NRXN3: variants seen among roughly 807,000 people sequenced by gnomAD.
NRXN3 encodes the protein neurexin III.
NRXN3 carries 32 observed loss-of-function variants against 137.6 expected under a neutral mutation model. The ratio of observed to expected loss-of-function variants is 0.23; its 90% confidence interval spans 0.18 to 0.31. NRXN3 has a LOEUF of 0.31. NRXN3 is among the 10% of genes least tolerant of loss of function. NRXN3 has a pLI of 1.00. For synonymous variants in NRXN3, 798 were observed against 784.5 expected (o/e 1.02, Z -0.29); for missense variants, 1,574 against 2,062.5 (o/e 0.76, Z 4.59).
chr14:78,600,410 C>A (rs1015172489), intron 4 of NRXN3, among the ~76,000 whole-genome samples: 5 of 152,212 alleles, frequency 3.3e-5, no homozygotes, highest in African/African-American at 1.2e-4. Flanking sequence ...TGGGCTCCCC[C>A]AGCTCCATTT....
chr14:79,141,995 A>T (rs371887936), intron 15 of NRXN3, among the ~76,000 whole-genome samples: 1 of 152,206 alleles, frequency 6.6e-6, no homozygotes, highest in Admixed American at 6.5e-5. Context: ...CCATAAGACC[A>T]TATGATGAAG....
intron 4 of NRXN3, chr14:78,526,827 A>T (rs12882387): frequency 4.0e-6 from 2 of 501,540 alleles, no homozygotes; most frequent in African/African-American, 3.9e-5. Context: ...AAGAAAGGGG[A>T]TTCATATTTT....
At chr14:79,055,821 A>G (rs1403924838) in intron 15 of NRXN3, among the ~76,000 whole-genome samples, 1 of 152,164 alleles carries the variant, frequency 6.6e-6, no homozygotes, top group Non-Finnish European at 1.5e-5. Context: ...ATGCACTTGG[A>G]GACAGTGCAG....
Position 79,822,792 on chromosome 14 carries a change from G to C in NRXN3, c.4093+17602G>C, listed in dbSNP as rs2099276544. ...TTTCAGTTAAAAAAATAGATTAAAG[G>C]CACAAAATAGATTTCCAAACAAACA... On this transcript the variant is annotated intron_variant, in intron 20 of 20. Coordinates refer to ENST00000335750, the MANE Select transcript of NRXN3 (RefSeq NM_001330195.2). Among the ~76,000 whole-genome samples the C allele has an allele frequency of 2.0e-5, 3 of 151,722 alleles. No individual in the cohort carries two copies. The South Asian group carries it at 6.2e-4, about 32-fold the overall frequency.
chr14:78,947,205 G>C (rs1050217517), intron 10 of NRXN3, among the ~76,000 whole-genome samples: 6 of 152,260 alleles, frequency 3.9e-5, no homozygotes, highest in Admixed American at 2.6e-4. Context: ...GTCCACAGTG[G>C]GTGATCAGCT....
At chr14:79,801,538 ACG>A in intron 19 of NRXN3, among the ~76,000 whole-genome samples, 1 of 152,204 alleles carries the variant, frequency 6.6e-6, no homozygotes, top group East Asian at 1.9e-4. Context: ...TAACTAAGTG[ACG>A]TGTGTGCACG....
intron 15 of NRXN3, among the ~76,000 whole-genome samples, chr14:79,424,945 C>T (rs764784315): frequency 6.6e-6 from 1 of 152,030 alleles, no homozygotes; most frequent in African/African-American, 2.4e-5. Flanking sequence ...AGCTAAATGA[C>T]TGATTGGCAG....
At chr14:78,452,571 C>G (rs967821410) in intron 4 of NRXN3, among the ~76,000 whole-genome samples, 1 of 152,162 alleles carries the variant, frequency 6.6e-6, no homozygotes, top group Non-Finnish European at 1.5e-5. Context: ...ATTATTATCT[C>G]TCAAGGCAGC....
chr14:78,533,153 G>T (rs956800135), intron 4 of NRXN3, among the ~76,000 whole-genome samples: 19 of 145,862 alleles, frequency 1.3e-4, no homozygotes, highest in Non-Finnish European at 2.7e-4. Context: ...AGGGTGGAGT[G>T]CAGTGGTGCG....
intron 8 of NRXN3, chr14:78,753,608 G>A (rs2098653711): frequency 6.6e-6 from 1 of 152,062 alleles, no homozygotes; most frequent in Admixed American, 6.6e-5. Flanking sequence ...TGGTAACTTG[G>A]GTCTAAGTAC....
chr14:79,211,951 G>C lies in NRXN3; in HGVS notation c.3262+223810G>C, dbSNP rs140591100. 7.9e-5 allele frequency among the ~76,000 whole-genome samples: 12 copies of C among 152,300 alleles called. No homozygotes were observed. In the South Asian group the frequency reaches 2.5e-3, roughly 32 times the overall value. ...AATTAAAACACTTGAGGCTGGACTTGTCAAGAGACCTATTTTTGTTTTGTT... is the reference window on the plus strand; with the variant it reads ...AATTAAAACACTTGAGGCTGGACTTCTCAAGAGACCTATTTTTGTTTTGTT... On this transcript the variant is annotated intron_variant, in intron 15 of 20. Coordinates refer to ENST00000335750, the MANE Select transcript of NRXN3 (RefSeq NM_001330195.2).
chr14:79,694,378 ATAAT>A (rs1308793634), intron 18 of NRXN3, among the ~76,000 whole-genome samples: 3 of 152,016 alleles, frequency 2.0e-5, no homozygotes, highest in Non-Finnish European at 2.9e-5. Context: ...AAATGAGGTA[ATAAT>A]TAATGACTTC....
At chr14:79,177,112 T>A (rs2062423214) in intron 15 of NRXN3, among the ~76,000 whole-genome samples, 1 of 152,258 alleles carries the variant, frequency 6.6e-6, no homozygotes, top group Non-Finnish European at 1.5e-5. Context: ...TATAATTTTA[T>A]CTTTGGAAAT....
intron 3 of NRXN3, among the ~76,000 whole-genome samples, chr14:78,280,095 A>G (rs1486991357): frequency 6.6e-6 from 1 of 152,202 alleles, no homozygotes; most frequent in Admixed American, 6.6e-5. Context: ...TTTTAGTTCA[A>G]TCGCTCAGTC....
Position 79,407,633 on chromosome 14 carries a change from T to G in NRXN3, c.3263-59588T>G, listed in dbSNP as rs190487379. Among the ~76,000 whole-genome samples, 4 of 152,274 alleles carry G rather than the reference T, an allele frequency of 2.6e-5. No individual in the cohort carries two copies. The East Asian group carries it at 7.7e-4, about 29-fold the overall frequency. ...ATATCAAGTTTAATGTCCTTAAGAT[T>G]AGCTGTATGTGCCTTGGGAGAGTGA... On this transcript the variant is annotated intron_variant, in intron 15 of 20. Transcript: ENST00000335750.
intron 15 of NRXN3, among the ~76,000 whole-genome samples, chr14:79,048,979 C>T (rs1175012980): frequency 2.5e-5 from 3 of 119,572 alleles, no homozygotes; most frequent in Admixed American, 1.0e-4. Flanking sequence ...GTCGAGATCG[C>T]GCCACTGCAC....
At chr14:79,379,905 G>A (rs1198378165) in intron 15 of NRXN3, among the ~76,000 whole-genome samples, 1 of 151,330 alleles carries the variant, frequency 6.6e-6, no homozygotes, top group Admixed American at 6.6e-5. Flanking sequence ...TGAACCAGTA[G>A]TAACACAATA....
chr14:79,290,786 A>G (rs1343829417), intron 15 of NRXN3, among the ~76,000 whole-genome samples: 1 of 152,206 alleles, frequency 6.6e-6, no homozygotes, highest in Non-Finnish European at 1.5e-5. Context: ...GATAGGCAGC[A>G]AAAGCATTGC....
chr14:78,906,645 T>C (rs916172963), intron 10 of NRXN3, among the ~76,000 whole-genome samples: 3 of 152,030 alleles, frequency 2.0e-5, no homozygotes, highest in East Asian at 1.9e-4. Flanking sequence ...TCCCTGATCC[T>C]AGGCAAGCAA....
Sources: gnomAD v4.1 joint callset for allele counts (sites outside exome capture counted in the v4.1 genomes callset) on GRCh38, gnomAD v4.1.1 for gene constraint, MANE v1.5 for transcripts, NCBI Gene and HGNC (gene_info 2026-07-23, HGNC 2026-07-21) for gene names.